The following CD226 variants were observed in gnomAD, a reference collection of about 807,000 sequenced individuals.
The protein encoded by CD226 is CD226 molecule.
Under a neutral mutation model 34.9 loss-of-function variants are expected in CD226, and 24 were observed. The observed-to-expected ratio is 0.69, with a 90% confidence interval of 0.50 to 0.97. CD226 has a LOEUF of 0.97. Among genes scored for constraint, CD226 ranks in the 50% least tolerant of loss-of-function variants. CD226 has a pLI of 0.00. For missense variants in CD226, 397 were observed against 412.7 expected (o/e 0.96, Z 0.33); for synonymous variants, 148 against 147.4 (o/e 1.00, Z -0.03).
At chr18:69,874,077 G>A (rs1427279529) in intron 3 of CD226, among the ~76,000 whole-genome samples, 1 of 152,020 alleles carries the variant, frequency 6.6e-6, no homozygotes, top group Admixed American at 6.5e-5. Flanking sequence ...CCATGGTCCA[G>A]TAATCTGAAA....
At chr18:69,949,632 C>G (rs1021566000), upstream of CD226, among the ~76,000 whole-genome samples, 1 of 152,056 alleles carries the variant, frequency 6.6e-6, no homozygotes, top group Admixed American at 6.5e-5. Context: ...CTCACGTGCT[C>G]AAATGCATGA....
intron 1 of CD226, among the ~76,000 whole-genome samples, chr18:69,954,949 A>C (rs527344222): frequency 6.6e-6 from 1 of 151,556 alleles, no homozygotes; most frequent in South Asian, 2.1e-4. Context: ...TTTTGGCTTG[A>C]GGTTTTTTTT....
intron 3 of CD226, among the ~76,000 whole-genome samples, chr18:69,873,496 T>A (rs562622482): frequency 2.6e-5 from 4 of 150,988 alleles, no homozygotes; most frequent in South Asian, 2.1e-4. Context: ...AAAAAAAAAA[T>A]ATAAAGAGCA....
At chr18:69,915,577 C>T (rs535577580) in intron 2 of CD226, among the ~76,000 whole-genome samples, 3 of 152,242 alleles carry the variant, frequency 2.0e-5, no homozygotes, top group South Asian at 2.1e-4. Context: ...TTTTTAAATG[C>T]GGAAACTAAT....
At chr18:69,879,698 A>G (rs1333347203) in intron 3 of CD226, among the ~76,000 whole-genome samples, 1 of 152,230 alleles carries the variant, frequency 6.6e-6, no homozygotes, top group Non-Finnish European at 1.5e-5. Flanking sequence ...GACGGGATTA[A>G]GAGATTAAAG....
intron 3 of CD226, among the ~76,000 whole-genome samples, chr18:69,881,634 A>G (rs1984267917): frequency 6.6e-6 from 1 of 152,242 alleles, no homozygotes; most frequent in Non-Finnish European, 1.5e-5. Context: ...ACGTAGACAC[A>G]TTCCAAATGA....
intron 3 of CD226, among the ~76,000 whole-genome samples, chr18:69,887,872 C>T (rs572548100): frequency 2.6e-5 from 4 of 152,256 alleles, no homozygotes; most frequent in African/African-American, 9.6e-5. Flanking sequence ...ACTTATATTC[C>T]TGTTGAATAA....
At chr18:69,956,214 C>T (rs2055896212) in intron 1 of CD226, among the ~76,000 whole-genome samples, 2 of 152,224 alleles carry the variant, frequency 1.3e-5, no homozygotes, top group Admixed American at 6.5e-5. Context: ...ACATACCATC[C>T]ACCGCTGTTT....
chr18:69,957,173 T>A (rs924950972), upstream of CD226: 1 of 152,216 alleles, frequency 6.6e-6, no homozygotes, highest in Non-Finnish European at 1.5e-5. Context: ...TCTCCTTTGT[T>A]CTAGCTCTAA....
chr18:69,955,461 G>A (rs2055888060), intron 1 of CD226, among the ~76,000 whole-genome samples: 1 of 152,184 alleles, frequency 6.6e-6, no homozygotes, highest in African/African-American at 2.4e-5. Flanking sequence ...CTGGGGCTGG[G>A]AAGATTATAG....
At chr18:69,894,253 CA>C (rs1985072697) in intron 3 of CD226, among the ~76,000 whole-genome samples, 2 of 146,356 alleles carry the variant, frequency 1.4e-5, no homozygotes, top group African/African-American at 5.1e-5. Flanking sequence ...CACAATCATA[CA>C]AAGTGGATCT....
intron 2 of CD226, among the ~76,000 whole-genome samples, chr18:69,928,876 T>A (rs1379008575): frequency 6.6e-6 from 1 of 152,096 alleles, no homozygotes; most frequent in African/African-American, 2.4e-5. Context: ...ATGCAGAGGA[T>A]GCCTAGGGAA....
chr18:69,869,381 T>C (rs8099412), intron 4 of CD226, among the ~76,000 whole-genome samples: 72,786 of 152,022 alleles, frequency 0.48, 17,682 homozygotes, highest in Middle Eastern at 0.63. Context: ...GAGGCCATTA[T>C]CCTTAGCAAA....
chr18:69,869,658 TTAAAA>T (rs1212678449), intron 4 of CD226, among the ~76,000 whole-genome samples: 1 of 151,872 alleles, frequency 6.6e-6, no homozygotes, highest in African/African-American at 2.4e-5. Context: ...ATCCCTGAAC[TTAAAA>T]TAAATGTTAA....
At position 69,928,221 on chromosome 18, in the gene CD226, T is replaced by C. The variant is rs182841016; in HGVS notation, c.382+18513A>G. On this transcript the variant is annotated intron_variant, in intron 2 of 5. Coordinates refer to ENST00000582621, the MANE Select transcript of CD226 (RefSeq NM_001303618.2). Reference sequence around the variant, plus strand: ...CTGTTCTATTCTACTTAATTACATATGGAATTCATACGTTTCCTATGTACA... The same window carrying C: ...CTGTTCTATTCTACTTAATTACATACGGAATTCATACGTTTCCTATGTACA... Among the ~76,000 whole-genome samples, 43 of 152,354 alleles carry C rather than the reference T, an allele frequency of 2.8e-4. 1 individual carries two copies. Among genetic ancestry groups the C allele is most frequent in the Admixed American group, 8.5e-4 (13 of 15,308 alleles).
intron 3 of CD226, among the ~76,000 whole-genome samples, chr18:69,874,451 T>TTGC (rs1289705623): frequency 6.6e-6 from 1 of 152,188 alleles, no homozygotes; most frequent in Non-Finnish European, 1.5e-5. Flanking sequence ...ATGGTCTTCA[T>TTGC]TGCTGTCTCT....
intron 1 of CD226, among the ~76,000 whole-genome samples, chr18:69,953,999 CA>C (rs933349209): frequency 0.047 from 3,453 of 73,634 alleles, 40 homozygotes; most frequent in South Asian, 0.068. Flanking sequence ...GACTCCGTTT[CA>C]AAAAAAAAAA....
At position 69,935,411 on chromosome 18, in the gene CD226, T is replaced by C. The variant is rs1020886279; in HGVS notation, c.382+11323A>G. The stretch of plus-strand genomic sequence containing the variant: ...TCAACCTTTGAAGTGAGGAATTTTT[T>C]AAAAGATCACAGAAGCCGAGATGGT... On this transcript the variant is annotated intron_variant, in intron 2 of 5. Coordinates refer to ENST00000582621, the MANE Select transcript of CD226 (RefSeq NM_001303618.2). Among the ~76,000 whole-genome samples the C allele has an allele frequency of 7.2e-5, 11 of 152,290 alleles. No individual in the cohort carries two copies. In the South Asian group the frequency reaches 8.3e-4, roughly 11 times the overall value.
upstream of CD226, among the ~76,000 whole-genome samples, chr18:69,949,865 C>A (rs1432094047): frequency 6.6e-6 from 1 of 151,846 alleles, no homozygotes; most frequent in Admixed American, 6.6e-5. Context: ...CACGTTATCA[C>A]TCACATATGC....
Sources: allele counts gnomAD v4.1 joint callset (sites outside exome capture counted in the v4.1 genomes callset), GRCh38; gene constraint gnomAD v4.1.1; transcripts MANE v1.5; gene names NCBI Gene and HGNC (gene_info 2026-07-23, HGNC 2026-07-21).